MRPL35: variants seen among roughly 807,000 people sequenced by gnomAD.
MRPL35 encodes the protein large ribosomal subunit protein bL35m.
MRPL35 carries 18 observed loss-of-function variants against 21.6 expected under a neutral mutation model. That is an observed-to-expected ratio of 0.83 (90% confidence interval 0.58 to 1.24). The LOEUF is 1.24. Ranked by LOEUF, MRPL35 falls within the 50% of genes most tolerant of loss-of-function variation. MRPL35 has a pLI of 0.00. For missense variants in MRPL35, 223 were observed against 223.2 expected (o/e 1.00, Z 0.01); for synonymous variants, 87 against 86.9 (o/e 1.00, Z -0.01).
chr2:86,212,838 A>G lies in MRPL35; in HGVS notation c.*2170A>G, dbSNP rs1673935216. ...ATAAATGTCTTTCATTAAAGAGTTT[A>G]CCTAAATGATGTTCGATTATATGTA... On this transcript the variant is annotated 3_prime_UTR_variant, in exon 4 of 4. Transcript: ENST00000337109. 2 of 979,474 alleles carry G rather than the reference A, an allele frequency of 2.0e-6. No homozygotes were observed. Among genetic ancestry groups the G allele is most frequent in the Non-Finnish European group, 2.4e-6 (2 of 819,958 alleles). 60.7% of individuals were successfully genotyped at this position (979,474 alleles called of 1,614,324 possible).
intron 1 of MRPL35, among the ~76,000 whole-genome samples, chr2:86,205,887 A>G (rs1297653320): frequency 1.3e-5 from 2 of 152,224 alleles, no homozygotes; most frequent in Non-Finnish European, 2.9e-5. Context: ...ATGGTTGCAC[A>G]GCTCTCTAAA....
intron 3 of MRPL35, among the ~76,000 whole-genome samples, chr2:86,207,600 C>G (rs759545245): frequency 1.3e-5 from 2 of 152,222 alleles, no homozygotes; most frequent in Non-Finnish European, 2.9e-5. Context: ...AACCACTGCA[C>G]TCCAGCCTGG....
Position 86,212,133 on chromosome 2 carries a change from A to T in MRPL35, c.*1465A>T, listed in dbSNP as rs192903152. 5,008 of 1,242,920 alleles carry T rather than the reference A, an allele frequency of 4.0e-3. 15 individuals are homozygous for T. Among genetic ancestry groups the T allele is most frequent in the Admixed American group, 7.0e-3 (169 of 24,240 alleles). 77.0% of individuals were successfully genotyped at this position (1,242,920 alleles called of 1,614,324 possible). ...ATGAATTACTGTTTCAGATCCTTTA[A>T]TGTGGTAGTTGGTAATAATAAGATG... is the stretch of plus-strand genomic sequence containing the variant. On this transcript the variant is annotated 3_prime_UTR_variant, in exon 4 of 4. Transcript: ENST00000337109.
In MRPL35 at chr2:86,211,459, T is replaced by TA; in HGVS notation, c.*792dup. 1 of 985,448 alleles carries TA rather than the reference T, an allele frequency of 1.0e-6. No homozygotes were observed. Among genetic ancestry groups the TA allele is most frequent in the Non-Finnish European group, 1.2e-6 (1 of 829,956 alleles). 61.0% of individuals were successfully genotyped at this position (985,448 alleles called of 1,614,324 possible). ...GGTTTGCATGCAGCAAAAAAACAGT[T>TA]ATGTGAGCAGTTTCACTTGGAGGTT... On this transcript the variant is annotated 3_prime_UTR_variant, in exon 4 of 4. Transcript: ENST00000337109.
At chr2:86,202,245 T>C (rs1414322736) in intron 1 of MRPL35, among the ~76,000 whole-genome samples, 1 of 152,216 alleles carries the variant, frequency 6.6e-6, no homozygotes, top group African/African-American at 2.4e-5. Flanking sequence ...AACCATTTTT[T>C]CTAACTTCAG....
chr2:86,203,270 G>C (rs1673726201), intron 1 of MRPL35, among the ~76,000 whole-genome samples: 1 of 151,770 alleles, frequency 6.6e-6, no homozygotes, highest in South Asian at 2.1e-4. Flanking sequence ...TTTTAGTAGA[G>C]ACGGGGTTTC....
Position 86,211,842 on chromosome 2 carries a change from A to G in MRPL35, c.*1174A>G, listed in dbSNP as rs1210999035. On this transcript the variant is annotated 3_prime_UTR_variant, in exon 4 of 4. Coordinates refer to ENST00000337109, the MANE Select transcript of MRPL35 (RefSeq NM_016622.4). ...AGTTAGTTTATCCACTTCAGATTTC[A>G]TGTTTTCATTTGTAAGGATAAACTT... The G allele has an allele frequency of 1.0e-6, 1 of 985,394 alleles. No individual in the cohort carries two copies. The highest frequency in any genetic ancestry group is 1.2e-6 in the Non-Finnish European group (1 of 829,998). The allele number at this position is 985,394 out of a possible 1,614,324, so 61.0% of individuals were successfully genotyped here.
At position 86,212,360 on chromosome 2, in the gene MRPL35, G is replaced by A; in HGVS notation, c.*1692G>A. On this transcript the variant is annotated 3_prime_UTR_variant, in exon 4 of 4. Coordinates refer to ENST00000337109, the MANE Select transcript of MRPL35 (RefSeq NM_016622.4). ...AGAACAGACATTTGATTTGAGGTGAGGTAAAAGCCTGAAACATGGAATGGC... is the reference window on the plus strand; with the variant it reads ...AGAACAGACATTTGATTTGAGGTGAAGTAAAAGCCTGAAACATGGAATGGC... 6.2e-7 allele frequency: 1 copy of A among 1,612,886 alleles called. No homozygotes were observed. Among genetic ancestry groups the A allele is most frequent in the Non-Finnish European group, 8.5e-7 (1 of 1,179,472 alleles).
chr2:86,206,165 G>C lies in MRPL35; in HGVS notation c.103G>C (p.Ala35Pro), dbSNP rs774264714. 6.2e-7 allele frequency: 1 copy of C among 1,613,936 alleles called. No individual in the cohort carries two copies. The highest frequency in any genetic ancestry group is 1.1e-5 in the South Asian group (1 of 91,080). The change falls in exon 2 of 4, where the codon GCC (alanine) becomes CCC (proline). Residue 35 changes from alanine (A) to proline (P), a missense_variant. By Grantham distance (27) the Ala-to-Pro change is conservative. Transcript: ENST00000337109. ...SSTYRNCVKN[A>P]SLISALSTGR... is the part of the protein sequence containing the mutation. ...AACCTACCGCAACTGTGTCAAGAAT[G>C]CCTCTCTTATTTCTGCATTGTCCAC...
intron 3 of MRPL35, among the ~76,000 whole-genome samples, 153 bp from the exon 4 acceptor site, chr2:86,210,327 C>T (rs1277859836): frequency 4.0e-5 from 6 of 150,756 alleles, no homozygotes; most frequent in East Asian, 2.0e-4. Context: ...TCCCTTCCCC[C>T]GGCCATTGAG....
rs1402533590 is a variant in MRPL35 at position 86,212,708 on chromosome 2, G to C, written c.*2040G>C. ...AGCATCCAAAGATGGACTGAAGTGG[G>C]ATGGCTGACAGGCACATAACTTACG... On this transcript the variant is annotated 3_prime_UTR_variant, in exon 4 of 4. Transcript: ENST00000337109. The C allele has an allele frequency of 3.3e-6, 4 of 1,211,636 alleles. No individual in the cohort carries two copies. In the East Asian group the frequency reaches 1.4e-4, roughly 42 times the overall value. 75.1% of individuals were successfully genotyped at this position (1,211,636 alleles called of 1,614,324 possible). A position where few individuals can be genotyped will look rare whatever the true frequency, so the allele number is the denominator to read the frequency against.
At position 86,199,505 on chromosome 2, in the gene MRPL35, C is replaced by A. The variant is rs940254223; in HGVS notation, c.15C>A (p.Ala5=). Reference sequence around the variant, plus strand: ...CGAAGGTGAAGATGGCTGCCTCTGCCTTTGCTGGTGCAGTGAGAGCAGCTT... The same window carrying A: ...CGAAGGTGAAGATGGCTGCCTCTGCATTTGCTGGTGCAGTGAGAGCAGCTT... MAAS[A]FAGAVRAASG... is the part of the protein sequence containing the mutation. The change falls in exon 1 of 4, where the codon GCC becomes GCA. Residue 5 remains alanine (A), a synonymous_variant. Coordinates refer to ENST00000337109, the MANE Select transcript of MRPL35 (RefSeq NM_016622.4). 6.2e-7 allele frequency: 1 copy of A among 1,614,224 alleles called. No homozygotes were observed.
rs17438451 is a variant in MRPL35 at position 86,211,477 on chromosome 2, T to G, written c.*809T>G. 103 of 985,168 alleles carry G rather than the reference T, an allele frequency of 1.0e-4. No homozygotes were observed. Among genetic ancestry groups the G allele is most frequent in the Non-Finnish European group, 1.1e-4 (95 of 829,914 alleles). The allele number at this position is 985,168 out of a possible 1,614,324, so 61.0% of individuals were successfully genotyped here. On this transcript the variant is annotated 3_prime_UTR_variant, in exon 4 of 4. Transcript: ENST00000337109. ...AAACAGTTATGTGAGCAGTTTCACT[T>G]GGAGGTTCACATGGGGTGGCAGCAC...
At position 86,212,376 on chromosome 2, in the gene MRPL35, A is replaced by G. The variant is rs766993450; in HGVS notation, c.*1708A>G. 2 of 1,613,682 alleles carry G rather than the reference A, an allele frequency of 1.2e-6. No individual in the cohort carries two copies. The highest frequency in any genetic ancestry group is 1.3e-5 in the African/African-American group (1 of 75,026). On this transcript the variant is annotated 3_prime_UTR_variant, in exon 4 of 4. Transcript: ENST00000337109. ...TTGAGGTGAGGTAAAAGCCTGAAACATGGAATGGCATTCTGTTTTGATGGA... is the reference window on the plus strand; with the variant it reads ...TTGAGGTGAGGTAAAAGCCTGAAACGTGGAATGGCATTCTGTTTTGATGGA...
chr2:86,210,822 A>C lies in MRPL35; in HGVS notation c.*154A>C. The C allele has an allele frequency of 7.6e-7, 1 of 1,316,460 alleles. No individual in the cohort carries two copies. Among genetic ancestry groups the C allele is most frequent in the South Asian group, 2.5e-5 (1 of 39,218 alleles). 81.5% of individuals were successfully genotyped at this position (1,316,460 alleles called of 1,614,324 possible). A position where few individuals can be genotyped will look rare whatever the true frequency, so the allele number is the denominator to read the frequency against. On this transcript the variant is annotated 3_prime_UTR_variant, in exon 4 of 4. Coordinates refer to ENST00000337109, the MANE Select transcript of MRPL35 (RefSeq NM_016622.4). ...TAAACTTAGAAAAGTTTTAAAACTT[A>C]ATGGATCAGACTTTGCCAGATTTGG...
intron 1 of MRPL35, 66 bp from the exon 2 acceptor site, chr2:86,206,040 C>A: frequency 7.4e-7 from 1 of 1,354,034 alleles, no homozygotes; most frequent in Non-Finnish European, 1.0e-6. Flanking sequence ...AGTGATACAT[C>A]TCTTAATTTT....
At position 86,207,036 on chromosome 2, in the gene MRPL35, T is replaced by C. The variant is rs569695897; in HGVS notation, c.234-147T>C. On this transcript the variant is annotated intron_variant, in intron 2 of 3. Coordinates refer to ENST00000337109, the MANE Select transcript of MRPL35 (RefSeq NM_016622.4). ...GGTTGCTATTCTAATTTATGCTTAA[T>C]GTCATGGGTCATTGGAAGTAATATT... is the stretch of plus-strand genomic sequence containing the variant. The C allele has an allele frequency of 1.1e-5, 8 of 739,306 alleles. No individual in the cohort carries two copies. The South Asian group carries it at 1.6e-4, about 15-fold the overall frequency. 45.8% of individuals were successfully genotyped at this position (739,306 alleles called of 1,614,324 possible). A position where few individuals can be genotyped will look rare whatever the true frequency, so the allele number is the denominator to read the frequency against.
rs1347093891 is a variant in MRPL35 at position 86,213,647 on chromosome 2, T to C, written c.*2979T>C. The C allele has an allele frequency of 2.6e-6, 4 of 1,550,372 alleles. No homozygotes were observed. The Admixed American group carries it at 5.9e-5, about 23-fold the overall frequency. ...GCACAGGCACTCCCCCATTTGCAGA[T>C]GAAGAAATGTTCAGAGAAGAAAAAT... is the stretch of plus-strand genomic sequence containing the variant. On this transcript the variant is annotated 3_prime_UTR_variant, in exon 4 of 4. Coordinates refer to ENST00000337109, the MANE Select transcript of MRPL35 (RefSeq NM_016622.4).
At chr2:86,202,279 TG>T (rs1673699404) in intron 1 of MRPL35, among the ~76,000 whole-genome samples, 1 of 152,240 alleles carries the variant, frequency 6.6e-6, no homozygotes, top group South Asian at 2.1e-4. Flanking sequence ...GATTTCATCT[TG>T]TTGGTTTTGA....
Sources: allele counts gnomAD v4.1 joint callset (sites outside exome capture counted in the v4.1 genomes callset), GRCh38; gene constraint gnomAD v4.1.1; transcripts MANE v1.5; gene names NCBI Gene and HGNC (gene_info 2026-07-23, HGNC 2026-07-21).